Variants in RBFOX1 observed in about 807,000 individuals in gnomAD.
RBFOX1 encodes the protein RNA binding protein fox-1 homolog 1.
RBFOX1 carries 8 observed loss-of-function variants against 57.7 expected under a neutral mutation model. The observed-to-expected ratio is 0.14, with a 90% CI of 0.08 to 0.25. RBFOX1 has a LOEUF of 0.25. Ranked by LOEUF, RBFOX1 falls within the 10% of genes least tolerant of loss-of-function variation. The probability of loss-of-function intolerance (pLI) is 1.00; values close to 1 mark genes in which losing one functional copy is unlikely to be tolerated. For synonymous variants in RBFOX1, 326 were observed against 222.4 expected, an observed-to-expected ratio of 1.47 and a Z score of -4.15; for missense variants, 611 against 548.5, an observed-to-expected ratio of 1.11 and a Z score of -1.14.
Position 6,011,315 on chromosome 16 carries a change from A to G in RBFOX1, c.351+143980A>G, listed in dbSNP as rs370193157. On this transcript the variant is annotated intron_variant, in intron 4 of 19. Transcript: ENST00000641259. ...GGTTGACTTTAGATGGAGCTATTTA[A>G]AACAGCCTTTGTTTTTACAAAATGA... Among the ~76,000 whole-genome samples, 4 of 152,316 alleles carry G rather than the reference A, an allele frequency of 2.6e-5. No individual in the cohort carries two copies. The East Asian group carries it at 7.7e-4, about 29-fold the overall frequency.
chr16:7,546,148 G>T (rs2084449176), intron 5 of RBFOX1, among the ~76,000 whole-genome samples: 1 of 151,718 alleles, frequency 6.6e-6, no homozygotes, highest in East Asian at 1.9e-4. Flanking sequence ...CCAACATGGT[G>T]AAACCCTGTC....
At chr16:7,707,158 T>C (rs578059843) in intron 14 of RBFOX1, among the ~76,000 whole-genome samples, 2 of 152,168 alleles carry the variant, frequency 1.3e-5, no homozygotes, top group Non-Finnish European at 2.9e-5. Flanking sequence ...TCTAGATTAT[T>C]TGCACTCATC....
chr16:5,283,952 G>A (rs747729575), intron 1 of RBFOX1, among the ~76,000 whole-genome samples: 6 of 152,112 alleles, frequency 3.9e-5, no homozygotes, highest in Middle Eastern at 3.2e-3. Flanking sequence ...GTTTGGCTGT[G>A]TCCCCACCCA....
At chr16:7,136,710 C>T (rs527861387) in intron 4 of RBFOX1, among the ~76,000 whole-genome samples, 1 of 152,248 alleles carries the variant, frequency 6.6e-6, no homozygotes, top group South Asian at 2.1e-4. Context: ...AGTCACTTCA[C>T]CTGGCCCCAT....
intron 2 of RBFOX1, among the ~76,000 whole-genome samples, chr16:6,583,861 A>G (rs1184074676): frequency 6.6e-6 from 1 of 152,220 alleles, no homozygotes; most frequent in Non-Finnish European, 1.5e-5. Context: ...GAATCTACAA[A>G]TAATAGGATT....
At chr16:7,345,283 C>T (rs1299551698) in intron 4 of RBFOX1, among the ~76,000 whole-genome samples, 2 of 152,110 alleles carry the variant, frequency 1.3e-5, no homozygotes, top group Non-Finnish European at 2.9e-5. Flanking sequence ...TACAGCTCTG[C>T]ATTTGTTTTG....
chr16:5,388,973 C>T (rs1428294635), intron 1 of RBFOX1, among the ~76,000 whole-genome samples: 2 of 151,518 alleles, frequency 1.3e-5, no homozygotes, highest in Middle Eastern at 3.4e-3. Flanking sequence ...GGGCAGATCA[C>T]GAGGTCAGGA....
At chr16:7,135,768 A>G (rs961073387) in intron 4 of RBFOX1, among the ~76,000 whole-genome samples, 6 of 152,374 alleles carry the variant, frequency 3.9e-5, no homozygotes, top group Admixed American at 3.9e-4. Flanking sequence ...ACATTTTTCA[A>G]TTAACCACAT....
Position 7,457,680 on chromosome 16 carries a change from G to C in RBFOX1, c.28-60467G>C, listed in dbSNP as rs1019202763. ...TGCTTGGTTTGAGGGATTTGCCTCT[G>C]TTGCCCTCATATTTTCAGCCTAAGA... On this transcript the variant is annotated intron_variant, in intron 4 of 15. Transcript: ENST00000550418. 5.3e-5 allele frequency among the ~76,000 whole-genome samples: 8 copies of C among 152,048 alleles called. No homozygotes were observed. The East Asian group carries it at 5.8e-4, about 11-fold the overall frequency.
In RBFOX1 at chr16:5,742,212, T is replaced by TTTCCTTCCTCCCTTCC. The variant is rs752672803; in HGVS notation, c.319-125055_319-125040dup. Among the ~76,000 whole-genome samples the TTTCCTTCCTCCCTTCC allele has an allele frequency of 7.0e-3, 814 of 116,692 alleles. 10 individuals carry two copies. The highest frequency in any genetic ancestry group is 0.011 in the Non-Finnish European group (609 of 54,070). The allele number at this position is 116,692 out of a possible 152,430, so 76.6% of individuals were successfully genotyped here. ...CCTTCCTTCCTCCAGTCCTTCCTCC[T>TTTCCTTCCTCCCTTCC]TTCCTTCCTCCCTTCCTTCCTTCCT... is the stretch of plus-strand genomic sequence containing the variant. On this transcript the variant is annotated intron_variant, in intron 3 of 19. Transcript: ENST00000641259.
chr16:5,956,812 A>C (rs917099125), intron 4 of RBFOX1, among the ~76,000 whole-genome samples: 1 of 150,376 alleles, frequency 6.6e-6, no homozygotes, highest in East Asian at 2.0e-4. Flanking sequence ...TGGGATTACA[A>C]GCATGCACCA....
At chr16:6,132,764 G>A (rs1283697924) in intron 1 of RBFOX1, among the ~76,000 whole-genome samples, 12 of 151,974 alleles carry the variant, frequency 7.9e-5, no homozygotes, top group South Asian at 4.2e-4. Flanking sequence ...TGAGGCAGGC[G>A]GATCAGTAGG....
intron 3 of RBFOX1, among the ~76,000 whole-genome samples, chr16:6,966,891 CTCTCCA>C (rs1474698834): frequency 1.8e-5 from 2 of 111,832 alleles, no homozygotes; most frequent in African/African-American, 7.2e-5. Context: ...ATCTATTCAT[CTCTCCA>C]TCCATCCATC....
intron 5 of RBFOX1, among the ~76,000 whole-genome samples, chr16:7,567,140 C>CATATATATCTCCCTATATATATATCCAT (rs2091883670): frequency 1.4e-4 from 8 of 57,682 alleles, no homozygotes; most frequent in African/African-American, 3.4e-4. Context: ...TATGTATATC[C>CATATATATCTCCCTATATATATATCCAT]ATATATATCC....
intron 2 of RBFOX1, among the ~76,000 whole-genome samples, chr16:6,388,635 T>C (rs1236035423): frequency 2.0e-5 from 3 of 152,048 alleles, no homozygotes; most frequent in East Asian, 1.9e-4. Flanking sequence ...AGCACTTTGG[T>C]AGGCTGAGGT....
chr16:6,251,475 AG>A (rs1241398825), intron 1 of RBFOX1, among the ~76,000 whole-genome samples: 4 of 152,280 alleles, frequency 2.6e-5, no homozygotes, highest in Non-Finnish European at 2.9e-5. Context: ...TTTTCATTGC[AG>A]CAGCCTAAGA....
intron 4 of RBFOX1, among the ~76,000 whole-genome samples, chr16:7,297,336 C>T (rs1259613414): frequency 6.6e-6 from 1 of 152,206 alleles, no homozygotes; most frequent in Non-Finnish European, 1.5e-5. Flanking sequence ...CCCTTCTCTT[C>T]TCCAGAAACA....
intron 1 of RBFOX1, among the ~76,000 whole-genome samples, chr16:6,160,225 A>G (rs2096868013): frequency 6.6e-6 from 1 of 152,182 alleles, no homozygotes. Context: ...GGGAGGAAGT[A>G]GGAGGTCTGA....
At chr16:6,413,091 G>A (rs773951649) in intron 2 of RBFOX1, among the ~76,000 whole-genome samples, 2 of 152,250 alleles carry the variant, frequency 1.3e-5, no homozygotes, top group African/African-American at 2.4e-5. Context: ...AGGCCAAGGC[G>A]GGTGGATCAC....
Sources: allele counts gnomAD v4.1 joint callset (sites outside exome capture counted in the v4.1 genomes callset), GRCh38; gene constraint gnomAD v4.1.1; transcripts MANE v1.5; gene names NCBI Gene and HGNC (gene_info 2026-07-23, HGNC 2026-07-21).